The following MRC1 variants were observed in gnomAD, a reference collection of about 807,000 sequenced individuals.
The protein encoded by MRC1 is macrophage mannose receptor 1.
MRC1 carries 62 observed loss-of-function variants against 102.9 expected under a neutral mutation model. That is an observed-to-expected ratio of 0.60 (90% CI 0.49 to 0.74). MRC1 has a LOEUF of 0.74. Ranked by LOEUF, MRC1 falls within the 30% of genes least tolerant of loss-of-function variation. The probability of loss-of-function intolerance (pLI) is 0.00; values close to 1 mark genes in which losing one functional copy is unlikely to be tolerated. For synonymous variants in MRC1, 457 were observed against 298.4 expected (o/e 1.53, Z -5.48); for missense variants, 1,237 against 862.8 (o/e 1.43, Z -5.43).
intron 3 of MRC1, among the ~76,000 whole-genome samples, chr10:17,830,279 C>A (rs1589167671): frequency 1.3e-5 from 2 of 150,806 alleles, no homozygotes; most frequent in African/African-American, 5.0e-5. Context: ...TTACAGGCAC[C>A]CACCATCACG....
intron 13 of MRC1, among the ~76,000 whole-genome samples, 197 bp from the exon 14 acceptor site, chr10:17,870,651 C>A (rs888037917): frequency 1.3e-5 from 2 of 152,138 alleles, no homozygotes; most frequent in African/African-American, 2.4e-5. Flanking sequence ...AGGCAGTGGT[C>A]TGTTTTTAAG....
At chr10:17,908,116 T>G (rs1833920863) in intron 28 of MRC1, among the ~76,000 whole-genome samples, 1 of 152,196 alleles carries the variant, frequency 6.6e-6, no homozygotes, top group African/African-American at 2.4e-5. Context: ...CAGTCTCCTT[T>G]TAAGATGGAA....
intron 24 of MRC1, among the ~76,000 whole-genome samples, chr10:17,898,758 A>G (rs1833789030): frequency 6.6e-6 from 1 of 152,158 alleles, no homozygotes; most frequent in African/African-American, 2.4e-5. Flanking sequence ...TGTATTCCAT[A>G]ATAGACTAAG....
Position 17,852,780 on chromosome 10 carries a change from GT to G in MRC1, c.1250-186del, listed in dbSNP as rs1246335520. The stretch of plus-strand genomic sequence containing the variant: ...CAGCCTAAAACTAACAAGGTAAAAT[GT>G]AGTTGGCATCTAAGTCGACAGCATG... On this transcript the variant is annotated intron_variant, in intron 7 of 29. Transcript: ENST00000569591. 2.0e-5 allele frequency among the ~76,000 whole-genome samples: 3 copies of G among 152,314 alleles called. No individual in the cohort carries two copies. The East Asian group carries it at 5.8e-4, about 29-fold the overall frequency.
chr10:17,898,506 C>T (rs1348339345), intron 24 of MRC1, among the ~76,000 whole-genome samples: 1 of 152,188 alleles, frequency 6.6e-6, no homozygotes, highest in African/African-American at 2.4e-5. Context: ...GTTAACTCTC[C>T]TATTGCATTA....
intron 14 of MRC1, among the ~76,000 whole-genome samples, chr10:17,871,691 C>G (rs1479168230): frequency 2.0e-5 from 3 of 152,042 alleles, no homozygotes; most frequent in Admixed American, 2.0e-4. Context: ...CAAGTTTTTC[C>G]TGTATATAAA....
intron 29 of MRC1, among the ~76,000 whole-genome samples, chr10:17,909,685 A>T (rs1833943645): frequency 6.7e-6 from 1 of 148,520 alleles, no homozygotes; most frequent in Non-Finnish European, 1.5e-5. Context: ...ATTTTTATAG[A>T]CTACTTGAAT....
chr10:17,866,805 T>C lies in MRC1; in HGVS notation c.1983+44T>C, dbSNP rs888893820. Reference sequence around the variant, plus strand: ...GCTGGTAAGAGAATCTGGAGTATGCTTCAGCCTAAAGAATCATCTAAGGAC... The same window carrying C: ...GCTGGTAAGAGAATCTGGAGTATGCCTCAGCCTAAAGAATCATCTAAGGAC... On this transcript the variant is annotated intron_variant, in intron 12 of 29. Transcript: ENST00000569591. The C allele has an allele frequency of 1.4e-5, 11 of 780,612 alleles. No individual in the cohort carries two copies. In the African/African-American group the frequency reaches 1.9e-4, roughly 13 times the overall value. The allele number at this position is 780,612 out of a possible 1,614,324, so 48.4% of individuals were successfully genotyped here. A position where few individuals can be genotyped will look rare whatever the true frequency, so the allele number is the denominator to read the frequency against.
In MRC1 at chr10:17,863,620, G is replaced by A. The variant is rs1833217642; in HGVS notation, c.1721G>A (p.Gly574Glu). The change falls in exon 11 of 30, where the codon GGG becomes GAG. Residue 574 changes from glycine (G) to glutamate (E), a missense_variant. Transcript: ENST00000569591. ...WTGLSDIQTK[G>E]TFQWTIEEEV... is the part of the protein sequence containing the mutation. Reference sequence around the variant, plus strand: ...GGACTTTCAGATATACAAACCAAAGGGACTTTTCAGTGGACCATCGAGGAA... The same window carrying A: ...GGACTTTCAGATATACAAACCAAAGAGACTTTTCAGTGGACCATCGAGGAA... 3 of 780,672 alleles carry A rather than the reference G, an allele frequency of 3.8e-6. No homozygotes were observed. The African/African-American group carries it at 5.1e-5, about 13-fold the overall frequency. The allele number at this position is 780,672 out of a possible 1,614,324, so 48.4% of individuals were successfully genotyped here. A position where few individuals can be genotyped will look rare whatever the true frequency, so the allele number is the denominator to read the frequency against.
At chr10:17,889,072 T>A (rs1437945052) in intron 22 of MRC1, among the ~76,000 whole-genome samples, 2 of 152,228 alleles carry the variant, frequency 1.3e-5, no homozygotes, top group African/African-American at 2.4e-5. Context: ...TGTCTGAAAT[T>A]AATATAGCTG....
intron 26 of MRC1, among the ~76,000 whole-genome samples, chr10:17,905,456 A>G (rs1833882616): frequency 1.3e-5 from 2 of 152,156 alleles, no homozygotes; most frequent in Non-Finnish European, 2.9e-5. Context: ...TCATGATGTC[A>G]CCTGATGCCT....
intron 4 of MRC1, among the ~76,000 whole-genome samples, chr10:17,835,929 G>A (rs563428915): frequency 7.7e-4 from 117 of 152,302 alleles, no homozygotes; most frequent in Non-Finnish European, 1.4e-3. Flanking sequence ...ACCATATCTG[G>A]CAAAACACTG....
intron 12 of MRC1, among the ~76,000 whole-genome samples, chr10:17,867,719 G>A (rs2130671598): frequency 6.6e-6 from 1 of 152,232 alleles, no homozygotes; most frequent in South Asian, 2.1e-4. Context: ...AGTGCACCCA[G>A]CCTCTTTTCG....
At chr10:17,887,837 A>T (rs1833621447) in intron 22 of MRC1, among the ~76,000 whole-genome samples, 1 of 152,136 alleles carries the variant, frequency 6.6e-6, no homozygotes, top group Non-Finnish European at 1.5e-5. Context: ...GGAGTCTCAC[A>T]CTGTCGCCCG....
At chr10:17,887,556 G>A (rs888514443) in intron 22 of MRC1, among the ~76,000 whole-genome samples, 13 of 152,296 alleles carry the variant, frequency 8.5e-5, no homozygotes, top group Middle Eastern at 3.4e-3. Flanking sequence ...AGATTTAATG[G>A]ATGAGAGGTG....
At chr10:17,874,316 C>T (rs1158543516) in intron 16 of MRC1, among the ~76,000 whole-genome samples, 1 of 152,146 alleles carries the variant, frequency 6.6e-6, no homozygotes, top group Non-Finnish European at 1.5e-5. Flanking sequence ...GCTCATGACC[C>T]ATTCCTCCTT....
intron 8 of MRC1, among the ~76,000 whole-genome samples, 179 bp from the exon 9 acceptor site, chr10:17,856,062 AG>A (rs1361854395): frequency 6.7e-6 from 1 of 149,136 alleles, no homozygotes; most frequent in Non-Finnish European, 1.5e-5. Context: ...CCTAGCTACT[AG>A]GGGGGCTGAG....
rs1833489019 is a variant in MRC1, at chr10:17,879,839, A to G, written c.2719+18A>G. 2.6e-6 allele frequency: 2 copies of G among 780,876 alleles called. No homozygotes were observed. The highest frequency in any genetic ancestry group is 4.8e-6 in the Non-Finnish European group (2 of 417,950). The allele number at this position is 780,876 out of a possible 1,614,324, so 48.4% of individuals were successfully genotyped here. The stretch of plus-strand genomic sequence containing the variant: ...AAATTCAGGTAGGCAAGTCATGCAT[A>G]TTGAATTTGCTTTGTGGCGTGGCGT... On this transcript the variant is annotated intron_variant, in intron 19 of 29. Transcript: ENST00000569591.
intron 11 of MRC1, chr10:17,865,396 G>A (rs1221649569): frequency 2.0e-5 from 3 of 152,240 alleles, no homozygotes; most frequent in Non-Finnish European, 4.4e-5. Flanking sequence ...CATCTTGGCA[G>A]TAGTGATAAG....
Sources: allele counts gnomAD v4.1 joint callset (sites outside exome capture counted in the v4.1 genomes callset), GRCh38; gene constraint gnomAD v4.1.1; transcripts MANE v1.5; gene names NCBI Gene and HGNC (gene_info 2026-07-23, HGNC 2026-07-21).